The following ABCA13 variants were observed in gnomAD, a reference collection of about 807,000 sequenced individuals.
ABCA13 encodes ATP binding cassette subfamily A member 13, also known as ATP-binding cassette sub-family A member 13.
Under a neutral mutation model 478.7 loss-of-function variants are expected in ABCA13, and 476 were observed. That is an observed-to-expected ratio of 0.99 (90% CI 0.92 to 1.07). ABCA13 has a LOEUF of 1.07. ABCA13 is among the 50% of genes least tolerant of loss of function. The probability of loss-of-function intolerance (pLI) is 0.00; values close to 1 mark genes in which losing one functional copy is unlikely to be tolerated. For missense variants in ABCA13, 6,060 were observed against 5,910.6 expected (o/e 1.03, Z -0.83); for synonymous variants, 2,252 against 2,158.9 (o/e 1.04, Z -1.20).
intron 42 of ABCA13, among the ~76,000 whole-genome samples, chr7:48,450,995 T>C (rs1824949774): frequency 6.9e-6 from 1 of 145,616 alleles, no homozygotes; most frequent in Non-Finnish European, 1.5e-5. Flanking sequence ...CTTTTCTTTT[T>C]CTTTTTCTTT....
intron 1 of ABCA13, among the ~76,000 whole-genome samples, chr7:48,177,326 G>A (rs1795012943): frequency 6.6e-6 from 1 of 152,186 alleles, no homozygotes; most frequent in Non-Finnish European, 1.5e-5. Flanking sequence ...GTTGGAAAAA[G>A]TCTTGAACTA....
chr7:48,310,830 GC>G (rs1323681471), intron 24 of ABCA13, among the ~76,000 whole-genome samples: 10 of 152,164 alleles, frequency 6.6e-5, no homozygotes, highest in African/African-American at 2.4e-4. Flanking sequence ...TTCCGGACGG[GC>G]CCAGAACCCA....
chr7:48,548,494 T>C (rs547460949), intron 55 of ABCA13, among the ~76,000 whole-genome samples: 10 of 151,790 alleles, frequency 6.6e-5, no homozygotes, highest in African/African-American at 2.4e-4. Flanking sequence ...TTTCTTTAGT[T>C]AATGTAATAC....
chr7:48,557,737 T>A (rs1381524534), intron 55 of ABCA13, among the ~76,000 whole-genome samples: 1 of 152,194 alleles, frequency 6.6e-6, no homozygotes, highest in East Asian at 1.9e-4. Context: ...ATCACGGTTT[T>A]TGACATTAAA....
intron 55 of ABCA13, among the ~76,000 whole-genome samples, chr7:48,541,611 C>A (rs1278135363): frequency 6.6e-6 from 1 of 151,814 alleles, no homozygotes; most frequent in Admixed American, 6.6e-5. Flanking sequence ...TTTTGAAACT[C>A]TAAATCACAT....
intron 29 of ABCA13, 93 bp from the exon 30 acceptor site, chr7:48,350,550 T>C: frequency 7.4e-7 from 1 of 1,350,364 alleles, no homozygotes; most frequent in Non-Finnish European, 9.9e-7. Flanking sequence ...TCATATTCAT[T>C]TTCAAATCCA....
chr7:48,594,888 C>G (rs181630103), intron 58 of ABCA13, 75 bp downstream of exon 58: 2 of 1,224,702 alleles, frequency 1.6e-6, no homozygotes, highest in East Asian at 4.7e-5. Context: ...ATTTAGGTAC[C>G]TGCACAGTGT....
chr7:48,463,000 T>C (rs1043972984), intron 43 of ABCA13, among the ~76,000 whole-genome samples: 17 of 152,200 alleles, frequency 1.1e-4, no homozygotes, highest in African/African-American at 4.1e-4. Context: ...TACATCACTG[T>C]TTGTATCTAA....
chr7:48,360,147 C>T (rs941407571), intron 31 of ABCA13, among the ~76,000 whole-genome samples: 2 of 151,394 alleles, frequency 1.3e-5, no homozygotes, highest in East Asian at 1.9e-4. Flanking sequence ...CCCATTAACT[C>T]GTCATTTACA....
At chr7:48,450,910 G>C (rs1824921881) in intron 42 of ABCA13, among the ~76,000 whole-genome samples, 1 of 148,976 alleles carries the variant, frequency 6.7e-6, no homozygotes, top group Non-Finnish European at 1.5e-5. Context: ...TCCTTGTATT[G>C]TAATTTGTTC....
intron 14 of ABCA13, among the ~76,000 whole-genome samples, 193 bp downstream of exon 14, chr7:48,248,637 C>T (rs550721248): frequency 2.0e-5 from 3 of 152,146 alleles, no homozygotes; most frequent in Non-Finnish European, 4.4e-5. Context: ...TGAAAGAGTT[C>T]CCTTAATGTT....
At chr7:48,449,049 G>A (rs1824658149) in intron 42 of ABCA13, among the ~76,000 whole-genome samples, 1 of 152,034 alleles carries the variant, frequency 6.6e-6, no homozygotes, top group African/African-American at 2.4e-5. Flanking sequence ...CACCATGTTG[G>A]CCAGGCTGGT....
At chr7:48,527,227 C>T (rs191649946) in intron 54 of ABCA13, among the ~76,000 whole-genome samples, 13 of 152,180 alleles carry the variant, frequency 8.5e-5, no homozygotes, top group Admixed American at 7.2e-4. Context: ...GAGACGGACT[C>T]ATATTGCAAA....
At chr7:48,548,279 G>T (rs376242897) in intron 55 of ABCA13, among the ~76,000 whole-genome samples, 3 of 151,758 alleles carry the variant, frequency 2.0e-5, no homozygotes, top group African/African-American at 4.8e-5. Context: ...GTTTCATTAC[G>T]CAGTGGTATT....
At chr7:48,469,551 G>C (rs537758517) in intron 44 of ABCA13, among the ~76,000 whole-genome samples, 1 of 150,496 alleles carries the variant, frequency 6.6e-6, no homozygotes, top group South Asian at 2.1e-4. Context: ...TCAATGGCAG[G>C]GTAGTTCTTG....
intron 10 of ABCA13, among the ~76,000 whole-genome samples, chr7:48,242,227 C>T (rs1468811032): frequency 6.6e-6 from 1 of 151,978 alleles, no homozygotes; most frequent in African/African-American, 2.4e-5. Context: ...CTGCTCTGTG[C>T]CAGGCCAGGG....
chr7:48,227,189 C>T (rs1262534860), intron 5 of ABCA13, 73 bp from the exon 6 acceptor site: 9 of 1,534,430 alleles, frequency 5.9e-6, no homozygotes, highest in Non-Finnish European at 8.1e-6. Flanking sequence ...ACCTTTGTAG[C>T]ATCTGTCTGT....
chr7:48,478,873 G>A (rs1355238848), intron 45 of ABCA13, among the ~76,000 whole-genome samples: 4 of 151,874 alleles, frequency 2.6e-5, no homozygotes, highest in African/African-American at 7.3e-5. Context: ...ACATTTTGGG[G>A]TATTGTTTTC....
At chr7:48,532,219 T>C (rs1184708830) in intron 55 of ABCA13, among the ~76,000 whole-genome samples, 4 of 152,234 alleles carry the variant, frequency 2.6e-5, no homozygotes, top group Non-Finnish European at 5.9e-5. Flanking sequence ...GAATGCTGGA[T>C]TATGTCAAAT....
Sources: allele counts gnomAD v4.1 joint callset (sites outside exome capture counted in the v4.1 genomes callset), GRCh38; gene constraint gnomAD v4.1.1; transcripts MANE v1.5; gene names NCBI Gene and HGNC (gene_info 2026-07-23, HGNC 2026-07-21).